Variants in TMEM132C observed in about 807,000 individuals in gnomAD.
TMEM132C encodes transmembrane protein 132C.
Under a neutral mutation model 61.4 loss-of-function variants are expected in TMEM132C, and 29 were observed. That is an observed-to-expected ratio of 0.47 (90% CI 0.35 to 0.64). The LOEUF (loss-of-function observed/expected upper bound fraction) is 0.64, where lower values mean the gene tolerates loss of function less well. TMEM132C is among the 30% of genes least tolerant of loss of function. The pLI, the probability that TMEM132C is intolerant of heterozygous loss-of-function variation, is 0.00. For missense variants in TMEM132C, 1,408 were observed against 1,476.9 expected (o/e 0.95, Z 0.76); for synonymous variants, 656 against 633.1 (o/e 1.04, Z -0.54).
At chr12:128,473,286 T>G (rs1009155461) in intron 2 of TMEM132C, among the ~76,000 whole-genome samples, 4 of 151,038 alleles carry the variant, frequency 2.6e-5, no homozygotes, top group South Asian at 2.1e-4. Context: ...TCATCTTCTC[T>G]CCAGCCTCCG....
chr12:128,465,912 G>A (rs1381775340), intron 2 of TMEM132C, among the ~76,000 whole-genome samples: 3 of 152,202 alleles, frequency 2.0e-5, no homozygotes, highest in African/African-American at 7.2e-5. Flanking sequence ...GTGCACAGGT[G>A]AGGAGAGGCC....
chr12:128,646,841 T>C (rs2135604150), intron 4 of TMEM132C, among the ~76,000 whole-genome samples: 1 of 152,254 alleles, frequency 6.6e-6, no homozygotes, highest in Non-Finnish European at 1.5e-5. Flanking sequence ...GATGTGAGTG[T>C]GTTTAGCTCA....
intron 1 of TMEM132C, among the ~76,000 whole-genome samples, chr12:128,291,468 T>C (rs1015822278): frequency 3.3e-5 from 5 of 152,234 alleles, no homozygotes; most frequent in Non-Finnish European, 5.9e-5. Context: ...ACTGTGTGAA[T>C]GCAGCCGACC....
intron 2 of TMEM132C, among the ~76,000 whole-genome samples, chr12:128,502,589 C>T (rs1422437445): frequency 1.3e-5 from 2 of 152,214 alleles, no homozygotes; most frequent in African/African-American, 4.8e-5. Context: ...GCCATCTACA[C>T]CAGAGTGGAT....
At chr12:128,697,097 T>A (rs1009287611) in intron 7 of TMEM132C, 127 bp from the exon 8 acceptor site, 49 of 731,318 alleles carry the variant, frequency 6.7e-5, no homozygotes, top group Middle Eastern at 7.2e-4. Flanking sequence ...GTGAAGTAGA[T>A]ATGTAACTCC....
intron 1 of TMEM132C, among the ~76,000 whole-genome samples, chr12:128,298,649 C>T (rs74817015): frequency 4.6e-5 from 7 of 152,310 alleles, no homozygotes; most frequent in Non-Finnish European, 8.8e-5. Flanking sequence ...GCCATCAGAG[C>T]CTCCCTCCTG....
chr12:128,556,789 G>A (rs1593098997), intron 3 of TMEM132C, among the ~76,000 whole-genome samples: 2 of 152,120 alleles, frequency 1.3e-5, no homozygotes, highest in Non-Finnish European at 2.9e-5. Context: ...GAGGACCCCC[G>A]AGCCTTGTGA....
Position 128,695,967 on chromosome 12 carries a change from A to T in TMEM132C, c.1793A>T (p.Tyr598Phe). The stretch of plus-strand genomic sequence containing the variant: ...GCCGGTCCATGGGGCCAGCCGAACT[A>T]CCTGCTTAGTCCTAACTGGCAGTTC... ...EGAGPWGQPN[Y>F]LLSPNWQFDI... The change falls in exon 7 of 9, where the codon TAC becomes TTC. Residue 598 changes from tyrosine to phenylalanine, a missense_variant. Tyr to Phe is a conservative substitution (Grantham distance 22). Coordinates refer to ENST00000435159, the MANE Select transcript of TMEM132C (RefSeq NM_001136103.3). 6.4e-7 allele frequency: 1 copy of T among 1,551,756 alleles called. No homozygotes were observed.
chr12:128,616,095 A>T (rs1848372103), intron 3 of TMEM132C, 57 bp from the exon 4 acceptor site: 2 of 1,522,976 alleles, frequency 1.3e-6, no homozygotes, highest in African/African-American at 1.4e-5. Context: ...TATTATGAGG[A>T]GAGAAGGGTC....
rs139986252 is a variant in TMEM132C at position 128,431,460 on chromosome 12, G to A, written c.974+15840G>A. Among the ~76,000 whole-genome samples the A allele has an allele frequency of 9.2e-5, 14 of 152,120 alleles. No individual in the cohort carries two copies. The East Asian group carries it at 1.5e-3, about 17-fold the overall frequency. On this transcript the variant is annotated intron_variant, in intron 2 of 8. Coordinates refer to ENST00000435159, the MANE Select transcript of TMEM132C (RefSeq NM_001136103.3). ...TGATCCAGAAGATCTAGCTAAGATC[G>A]TCGATGAGGTGGCTGCACTAAACAG...
At chr12:128,461,258 C>G (rs1870524046) in intron 2 of TMEM132C, among the ~76,000 whole-genome samples, 2 of 152,110 alleles carry the variant, frequency 1.3e-5, no homozygotes, top group African/African-American at 4.8e-5. Context: ...GGAGTCCAGA[C>G]AAGGGACATA....
chr12:128,300,638 G>A (rs1017725451), intron 1 of TMEM132C, among the ~76,000 whole-genome samples: 2 of 152,144 alleles, frequency 1.3e-5, no homozygotes. Flanking sequence ...AGAACCAGGG[G>A]TGGACACTCA....
At chr12:128,398,149 G>A (rs1875027858) in intron 1 of TMEM132C, among the ~76,000 whole-genome samples, 1 of 152,272 alleles carries the variant, frequency 6.6e-6, no homozygotes, top group African/African-American at 2.4e-5. Flanking sequence ...AGGCATCTCA[G>A]CCTGGCTCAA....
chr12:128,528,213 A>G (rs1873158878), intron 2 of TMEM132C, among the ~76,000 whole-genome samples: 1 of 152,088 alleles, frequency 6.6e-6, no homozygotes, highest in Admixed American at 6.5e-5. Context: ...CAGCCTCCAG[A>G]CTCAGATCAC....
At chr12:128,460,224 CTG>C (rs948344769) in intron 2 of TMEM132C, among the ~76,000 whole-genome samples, 33 of 152,240 alleles carry the variant, frequency 2.2e-4, no homozygotes, top group African/African-American at 6.7e-4. Context: ...TAAATAAAAA[CTG>C]TGGTAGAACA....
chr12:128,559,105 A>G (rs1874424517), intron 3 of TMEM132C, among the ~76,000 whole-genome samples: 1 of 151,798 alleles, frequency 6.6e-6, no homozygotes, highest in Non-Finnish European at 1.5e-5. Flanking sequence ...AAACACACAC[A>G]CACACACACA....
intron 3 of TMEM132C, among the ~76,000 whole-genome samples, chr12:128,593,262 CCTCT>C (rs1236343337): frequency 2.0e-5 from 3 of 149,952 alleles, no homozygotes; most frequent in South Asian, 2.1e-4. Context: ...TTCTCTCTTA[CCTCT>C]CTCTCTTTCT....
chr12:128,409,061 G>A (rs1361145970), intron 1 of TMEM132C, among the ~76,000 whole-genome samples: 2 of 152,054 alleles, frequency 1.3e-5, no homozygotes, highest in Non-Finnish European at 2.9e-5. Context: ...GTTTTCTGGG[G>A]GTTTTAAAAA....
intron 4 of TMEM132C, among the ~76,000 whole-genome samples, chr12:128,667,212 TGTGTG>T (rs1954487667): frequency 6.6e-6 from 1 of 152,118 alleles, no homozygotes; most frequent in Non-Finnish European, 1.5e-5. Context: ...TGTGAACATG[TGTGTG>T]TGTGCGCATG....
Sources: allele counts gnomAD v4.1 joint callset (sites outside exome capture counted in the v4.1 genomes callset), GRCh38; gene constraint gnomAD v4.1.1; transcripts MANE v1.5; gene names NCBI Gene and HGNC (gene_info 2026-07-23, HGNC 2026-07-21).